The following CEP128 variants were observed in gnomAD, a reference collection of about 807,000 sequenced individuals.
CEP128 encodes centrosomal protein 128.
CEP128 carries 132 observed loss-of-function variants against 156.7 expected under a neutral mutation model. That is an observed-to-expected ratio of 0.84 (90% confidence interval 0.73 to 0.97). The LOEUF (loss-of-function observed/expected upper bound fraction) is 0.97. CEP128 is among the 50% of genes least tolerant of loss of function. CEP128 has a pLI of 0.00. For missense variants in CEP128, 1,252 were observed against 1,281.9 expected, an observed-to-expected ratio of 0.98 and a Z score of 0.36; for synonymous variants, 469 against 448.9, an observed-to-expected ratio of 1.04 and a Z score of -0.57.
intron 14 of CEP128, 26 bp downstream of exon 14, chr14:80,792,734 G>A (rs4523859): frequency 0.38 from 595,599 of 1,578,890 alleles, 116,053 homozygotes; most frequent in Non-Finnish European, 0.4. Context: ...ATTGAAAACC[G>A]TTCCTTAGGA....
chr14:80,800,890 G>A (rs1246272112), intron 13 of CEP128, among the ~76,000 whole-genome samples: 1 of 152,146 alleles, frequency 6.6e-6, no homozygotes, highest in African/African-American at 2.4e-5. Context: ...TGTTTCAAGA[G>A]AAACTACTCT....
At chr14:80,539,847 A>G (rs1287042802) in intron 21 of CEP128, among the ~76,000 whole-genome samples, 2 of 152,084 alleles carry the variant, frequency 1.3e-5, no homozygotes, top group East Asian at 3.9e-4. Flanking sequence ...GGGGAGGTCT[A>G]TAAACAGCCG....
At chr14:80,562,659 T>TC (rs1242499182) in intron 20 of CEP128, among the ~76,000 whole-genome samples, 4,059 of 122,042 alleles carry the variant, frequency 0.033, 145 homozygotes, top group African/African-American at 0.11. Flanking sequence ...TCTTTTCTTT[T>TC]TTTTTTTTTT....
At chr14:80,869,678 A>G (rs768353832) in intron 8 of CEP128, among the ~76,000 whole-genome samples, 62 of 152,132 alleles carry the variant, frequency 4.1e-4, no homozygotes, top group Non-Finnish European at 7.4e-4. Flanking sequence ...GTAAACTTTT[A>G]TTTTAGGTTC....
intron 9 of CEP128, among the ~76,000 whole-genome samples, chr14:80,849,877 G>T (rs890966218): frequency 1.3e-5 from 2 of 151,972 alleles, no homozygotes; most frequent in Non-Finnish European, 2.9e-5. Context: ...GGAGAAAGAG[G>T]TTTAGGTCTA....
chr14:80,868,971 A>T (rs1887903037), intron 8 of CEP128, among the ~76,000 whole-genome samples: 1 of 152,118 alleles, frequency 6.6e-6, no homozygotes, highest in African/African-American at 2.4e-5. Flanking sequence ...TACGCACCTA[A>T]TCAGAGCACC....
Position 80,642,155 on chromosome 14 carries a change from T to C in CEP128, c.2807-61732A>G, listed in dbSNP as rs182339599. Among the ~76,000 whole-genome samples the C allele has an allele frequency of 1.5e-4, 22 of 150,244 alleles. No homozygotes were observed. The East Asian group carries it at 4.4e-3, about 30-fold the overall frequency. ...TAAGCTACAAACTGCTGTGATTCCA[T>C]CAGCCTACAGACATTTCAGCAGTAG... On this transcript the variant is annotated intron_variant, in intron 19 of 24. Transcript: ENST00000555265.
At chr14:80,822,226 C>A (rs976167740) in intron 13 of CEP128, among the ~76,000 whole-genome samples, 2 of 152,156 alleles carry the variant, frequency 1.3e-5, no homozygotes, top group Admixed American at 6.5e-5. Flanking sequence ...TCCAAAGTTT[C>A]ATCTGAGACA....
intron 21 of CEP128, among the ~76,000 whole-genome samples, chr14:80,537,467 T>C (rs1889536307): frequency 1.3e-5 from 2 of 152,124 alleles, no homozygotes; most frequent in South Asian, 4.2e-4. Context: ...TGCCACTCCC[T>C]GATATAAAGA....
At chr14:80,500,593 G>A (rs1887688524) in intron 24 of CEP128, among the ~76,000 whole-genome samples, 2 of 152,120 alleles carry the variant, frequency 1.3e-5, no homozygotes, top group African/African-American at 4.8e-5. Flanking sequence ...TAATACCAAA[G>A]GGTTACATAG....
intron 13 of CEP128, among the ~76,000 whole-genome samples, chr14:80,816,274 C>T (rs549480965): frequency 5.9e-5 from 9 of 152,154 alleles, no homozygotes; most frequent in Non-Finnish European, 1.3e-4. Context: ...TTTCCTCTCA[C>T]CCTTGCTCTC....
chr14:80,551,526 G>A (rs1372059759), intron 21 of CEP128, among the ~76,000 whole-genome samples: 2 of 152,144 alleles, frequency 1.3e-5, no homozygotes, highest in African/African-American at 4.8e-5. Flanking sequence ...TCAATTCAGT[G>A]GAATGGTGTT....
At chr14:80,890,884 G>A (rs150802687) in intron 8 of CEP128, among the ~76,000 whole-genome samples, 46 of 151,978 alleles carry the variant, frequency 3.0e-4, no homozygotes, top group South Asian at 1.0e-3. Context: ...TTTTTAAATC[G>A]GCAAAAGAAA....
intron 19 of CEP128, among the ~76,000 whole-genome samples, chr14:80,588,692 C>T (rs992499734): frequency 3.9e-5 from 6 of 151,996 alleles, no homozygotes; most frequent in East Asian, 1.9e-4. Flanking sequence ...ATTTTAAAGA[C>T]GAATTATTAC....
At chr14:80,811,675 ATATGTG>A (rs1429016596) in intron 13 of CEP128, among the ~76,000 whole-genome samples, 191 of 106,016 alleles carry the variant, frequency 1.8e-3, no homozygotes, top group African/African-American at 7.0e-3. Flanking sequence ...GTGTACAGAC[ATATGTG>A]TGTGTGTGTG....
intron 21 of CEP128, 85 bp from the exon 22 acceptor site, chr14:80,530,971 C>T: frequency 2.6e-6 from 2 of 757,064 alleles, no homozygotes; most frequent in East Asian, 2.7e-5. Context: ...TCAGATGCAC[C>T]ACTGTAAGAA....
chr14:80,811,721 GT>G (rs970139087), intron 13 of CEP128, among the ~76,000 whole-genome samples: 1 of 151,132 alleles, frequency 6.6e-6, no homozygotes, highest in Non-Finnish European at 1.5e-5. Context: ...GTGTGGGTGT[GT>G]TTGTATGTAT....
chr14:80,775,907 G>A (rs899910790), intron 16 of CEP128, among the ~76,000 whole-genome samples: 7 of 151,996 alleles, frequency 4.6e-5, no homozygotes, highest in East Asian at 3.9e-4. Flanking sequence ...ATCTCGGCTC[G>A]CTGCGACTTT....
intron 19 of CEP128, among the ~76,000 whole-genome samples, chr14:80,632,666 T>A (rs767088111): frequency 5.9e-5 from 9 of 151,994 alleles, no homozygotes; most frequent in Admixed American, 2.0e-4. Flanking sequence ...GTTTTTCTAT[T>A]CTTCCATGAA....
Sources: allele counts gnomAD v4.1 joint callset (sites outside exome capture counted in the v4.1 genomes callset), GRCh38; gene constraint gnomAD v4.1.1; transcripts MANE v1.5; gene names NCBI Gene and HGNC (gene_info 2026-07-23, HGNC 2026-07-21).